DYNC1H1: variants seen among roughly 807,000 people sequenced by gnomAD.
DYNC1H1 encodes dynein cytoplasmic 1 heavy chain 1, also known as cytoplasmic dynein 1 heavy chain 1.
In DYNC1H1, 51 loss-of-function variants were observed where a neutral mutation model predicts 527.1. The ratio of observed to expected loss-of-function variants is 0.10; its 90% confidence interval spans 0.08 to 0.12. DYNC1H1 has a LOEUF of 0.12. DYNC1H1 is among the 10% of genes least tolerant of loss of function. The pLI is 1.00. For missense variants in DYNC1H1, 2,771 were observed against 5,971.8 expected, an observed-to-expected ratio of 0.46 and a Z score of 17.66; for synonymous variants, 2,189 against 2,278.8, an observed-to-expected ratio of 0.96 and a Z score of 1.12.
chr14:102,011,023 C>G lies in DYNC1H1; in HGVS notation c.6618+71C>G. 1 of 1,526,778 alleles carries G rather than the reference C, an allele frequency of 6.5e-7. No homozygotes were observed. Among genetic ancestry groups the G allele is most frequent in the Non-Finnish European group, 9.1e-7 (1 of 1,101,716 alleles). The allele number at this position is 1,526,778 out of a possible 1,614,324, so 94.6% of individuals were successfully genotyped here. A position where few individuals can be genotyped will look rare whatever the true frequency, so the allele number is the denominator to read the frequency against. ...GGCTTTAGTGTCTGGTAATGACAAC[C>G]GTGGGCCCTTCGATGAAACTGTCCA... On this transcript the variant is annotated intron_variant, in intron 32 of 77. Transcript: ENST00000360184. The surrounding 1 kb of genome is among the most constrained non-coding windows in gnomAD (Gnocchi z 5.3).
Position 101,979,411 on chromosome 14 carries a change from A to G in DYNC1H1, c.437A>G (p.Tyr146Cys), listed in dbSNP as rs1366267511. ...CTTACACTCAGTGAAGACTCGCCCT[A>G]CGAAACTTTGCATTCTTTCATTAGC... Reference protein sequence around the residue: ...RVLTLSEDSPYETLHSFISNA... With the variant: ...RVLTLSEDSPCETLHSFISNA... The change falls in exon 3 of 78, where the codon TAC becomes TGC. Residue 146 changes from tyrosine to cysteine, a missense_variant. Coordinates refer to ENST00000360184, the MANE Select transcript of DYNC1H1 (RefSeq NM_001376.5). The surrounding 1 kb of genome is among the most constrained non-coding windows in gnomAD (Gnocchi z 4.6). The G allele has an allele frequency of 6.2e-7, 1 of 1,614,162 alleles. No individual in the cohort carries two copies.
At chr14:102,047,641 G>GTGTGTATATATATATA in intron 72 of DYNC1H1, 176 bp from the exon 73 acceptor site, 142 of 316,658 alleles carry the variant, frequency 4.5e-4, no homozygotes, top group African/African-American at 2.5e-3. Context: ...GTGTGTGTGT[G>GTGTGTATATATATATA]TATATATATA....
rs368026551 is a variant in DYNC1H1, at chr14:101,987,526, A to G, written c.2612A>G (p.His871Arg). 5.6e-6 allele frequency: 9 copies of G among 1,614,098 alleles called. No homozygotes were observed. In the African/African-American group the frequency reaches 8.0e-5, roughly 14 times the overall value. ...TCCTTGGAAACTTGTATGTATGACC[A>G]TAAGACATTCTCGGAAATCTTGAAC... is the stretch of plus-strand genomic sequence containing the variant. ...VRSLETCMYDHKTFSEILNRV... is the reference protein window; with the variant it reads ...VRSLETCMYDRKTFSEILNRV... The change falls in exon 9 of 78, where the codon CAT becomes CGT. Residue 871 changes from histidine to arginine, a missense_variant. Coordinates refer to ENST00000360184, the MANE Select transcript of DYNC1H1 (RefSeq NM_001376.5).
chr14:101,994,641 A>G (rs561916642), intron 12 of DYNC1H1, 32 bp from the exon 13 acceptor site: 1 of 1,613,142 alleles, frequency 6.2e-7, no homozygotes. Flanking sequence ...TGAAAACTCA[A>G]ACTATTATTT....
In DYNC1H1 at chr14:102,029,771, A is replaced by G; in HGVS notation, c.9643-48A>G. 3.1e-6 allele frequency: 5 copies of G among 1,614,162 alleles called. No individual in the cohort carries two copies. Among genetic ancestry groups the G allele is most frequent in the Non-Finnish European group, 4.2e-6 (5 of 1,180,032 alleles). On this transcript the variant is annotated intron_variant, in intron 49 of 77. Transcript: ENST00000360184. The surrounding 1 kb of genome is among the most constrained non-coding windows in gnomAD (Gnocchi z 5.3). ...AGCTGCAGTGAGGACCCCTTTCCAT[A>G]TAATTTCTGCATGTTTCTCGTCTCT...
Position 101,986,897 on chromosome 14 carries a change from G to C in DYNC1H1, c.2538+134G>C, listed in dbSNP as rs1169005447. ...GCATACGGCCATGTGAGCTGCAAGGGAGGAGGACCCTTTGTACTCACCGGG... is the reference window on the plus strand; with the variant it reads ...GCATACGGCCATGTGAGCTGCAAGGCAGGAGGACCCTTTGTACTCACCGGG... On this transcript the variant is annotated intron_variant, in intron 8 of 77. Transcript: ENST00000360184. This position sits in a 1 kb window ranked among gnomAD's most constrained non-coding sequence, Gnocchi z 8.7. 9.0e-7 allele frequency: 1 copy of C among 1,113,990 alleles called. No individual in the cohort carries two copies. 69.0% of individuals were successfully genotyped at this position (1,113,990 alleles called of 1,614,324 possible). A position where few individuals can be genotyped will look rare whatever the true frequency, so the allele number is the denominator to read the frequency against.
chr14:101,975,252 G>T (rs1372911417), intron 1 of DYNC1H1, among the ~76,000 whole-genome samples: 1 of 152,240 alleles, frequency 6.6e-6, no homozygotes, highest in Non-Finnish European at 1.5e-5. Flanking sequence ...TATGATAGCT[G>T]TAAAGTGCTT....
At chr14:101,993,962 G>C (rs2048027297) in intron 11 of DYNC1H1, among the ~76,000 whole-genome samples, 1 of 152,138 alleles carries the variant, frequency 6.6e-6, no homozygotes. Context: ...TTTTTGCATT[G>C]CCAAATTTCT....
At position 102,001,768 on chromosome 14, in the gene DYNC1H1, C is replaced by A; in HGVS notation, c.4542+87C>A. The stretch of plus-strand genomic sequence containing the variant: ...CCTTTTCACTGACAGTTACTAGGTA[C>A]CTGTTTTTTATTGTATTTTTTGAGA... On this transcript the variant is annotated intron_variant, in intron 21 of 77. Coordinates refer to ENST00000360184, the MANE Select transcript of DYNC1H1 (RefSeq NM_001376.5). The surrounding 1 kb of genome is among the most constrained non-coding windows in gnomAD (Gnocchi z 5.0). 6.4e-7 allele frequency: 1 copy of A among 1,568,094 alleles called. No individual in the cohort carries two copies. The highest frequency in any genetic ancestry group is 8.7e-7 in the Non-Finnish European group (1 of 1,143,672).
rs1335833785 is a variant in DYNC1H1 at position 102,040,734 on chromosome 14, A to C, written c.11941+61A>C. The C allele has an allele frequency of 3.2e-6, 5 of 1,586,134 alleles. No individual in the cohort carries two copies. The East Asian group carries it at 1.1e-4, about 35-fold the overall frequency. On this transcript the variant is annotated intron_variant, in intron 64 of 77. Coordinates refer to ENST00000360184, the MANE Select transcript of DYNC1H1 (RefSeq NM_001376.5). ...TGTAAAGTTGGGTTTTGCTGCTTAA[A>C]GGGATGCTTTCAAAAAACACAAAGT...
rs541840933 is a variant in DYNC1H1, at chr14:101,965,050, C to T, written c.256+103C>T. 54 of 1,296,072 alleles carry T rather than the reference C, an allele frequency of 4.2e-5. No individual in the cohort carries two copies. The African/African-American group carries it at 7.2e-4, about 17-fold the overall frequency. 80.3% of individuals were successfully genotyped at this position (1,296,072 alleles called of 1,614,324 possible). A position where few individuals can be genotyped will look rare whatever the true frequency, so the allele number is the denominator to read the frequency against. ...AGATGTCCCCGGGATGGGAGGAGCC[C>T]GGCAGCTGCAGATGACCCCTGGATG... On this transcript the variant is annotated intron_variant, in intron 1 of 77. Transcript: ENST00000360184. The surrounding 1 kb of genome is among the most constrained non-coding windows in gnomAD (Gnocchi z 4.1).
Position 102,044,524 on chromosome 14 carries a change from GT to G in DYNC1H1, c.12902+34del, listed in dbSNP as rs767098620. The G allele has an allele frequency of 6.2e-6, 10 of 1,614,034 alleles. No individual in the cohort carries two copies. In the Admixed American group the frequency reaches 1.7e-4, roughly 27 times the overall value. Reference sequence around the variant, plus strand: ...GCTGCCTGCTGGAATGGAGACAGTTGTGATGTCAGGGCGTCTGGTGTCACTC... The same window carrying G: ...GCTGCCTGCTGGAATGGAGACAGTTGGATGTCAGGGCGTCTGGTGTCACTC... On this transcript the variant is annotated intron_variant, in intron 71 of 77. Transcript: ENST00000360184. This position sits in a 1 kb window ranked among gnomAD's most constrained non-coding sequence, Gnocchi z 7.1.
rs1046784611 is a variant in DYNC1H1 at position 102,011,992 on chromosome 14, G to A, written c.6736G>A (p.Gly2246Ser). ...GCTGAAGGCATTGGAGAGACTCGAGGGTGTGGAAGGTGTGGCCCATATCAT... is the reference window on the plus strand; with the variant it reads ...GCTGAAGGCATTGGAGAGACTCGAGAGTGTGGAAGGTGTGGCCCATATCAT... ...VLLKALERLE[G>S]VEGVAHIIDP... The change falls in exon 33 of 78, where the codon GGT (glycine) becomes AGT (serine). Residue 2246 changes from glycine (G) to serine (S), a missense_variant. By Grantham distance (56) the Gly-to-Ser change is moderately conservative. Transcript: ENST00000360184. This position sits in a 1 kb window ranked among gnomAD's most constrained non-coding sequence, Gnocchi z 5.3. The A allele has an allele frequency of 6.8e-6, 11 of 1,614,088 alleles. No homozygotes were observed. The highest frequency in any genetic ancestry group is 9.3e-6 in the Non-Finnish European group (11 of 1,180,022).
intron 16 of DYNC1H1, among the ~76,000 whole-genome samples, chr14:101,999,262 C>T (rs1166744938): frequency 6.6e-6 from 1 of 151,980 alleles, no homozygotes; most frequent in East Asian, 1.9e-4. Flanking sequence ...CTGAAGCCTC[C>T]GTTTCCTGGG....
rs372377150 is a variant in DYNC1H1, at chr14:102,018,518, G to A, written c.8245G>A (p.Gly2749Ser). 3 of 1,614,056 alleles carry A rather than the reference G, an allele frequency of 1.9e-6. No individual in the cohort carries two copies. The highest frequency in any genetic ancestry group is 1.7e-5 in the Admixed American group (1 of 60,026). ...CCCCGCCTCCCTCACACAGATCTACGGCACCTTCAACCGCGCCATGCTGAG... is the reference window on the plus strand; with the variant it reads ...CCCCGCCTCCCTCACACAGATCTACAGCACCTTCAACCGCGCCATGCTGAG... The part of the protein sequence containing the change: ...PGPASLTQIY[G>S]TFNRAMLRLI... Residue 2749 changes from glycine (G) to serine (S), a missense_variant, in exon 41 of 78, where the codon GGC becomes AGC. Gly to Ser is a moderately conservative substitution (Grantham distance 56). This residue lies in a region of DYNC1H1 where 163 missense variants were observed against 346.9 expected (regional missense o/e 0.47). Coordinates refer to ENST00000360184, the MANE Select transcript of DYNC1H1 (RefSeq NM_001376.5). This position sits in a 1 kb window ranked among gnomAD's most constrained non-coding sequence, Gnocchi z 5.2.
At chr14:102,019,709 C>G (rs1267952348) in intron 41 of DYNC1H1, among the ~76,000 whole-genome samples, 184 bp from the exon 42 acceptor site, 1 of 152,208 alleles carries the variant, frequency 6.6e-6, no homozygotes, top group Non-Finnish European at 1.5e-5. Flanking sequence ...TCAAGCGATT[C>G]TTCTGCCTCA....
intron 48 of DYNC1H1, chr14:102,028,374 G>T: frequency 2.2e-6 from 1 of 454,006 alleles, no homozygotes. Context: ...AATTAGCCGG[G>T]CATGGTGGTG....
At chr14:101,992,247 G>A (rs1240394777) in intron 11 of DYNC1H1, among the ~76,000 whole-genome samples, 1 of 152,188 alleles carries the variant, frequency 6.6e-6, no homozygotes, top group Non-Finnish European at 1.5e-5. Context: ...CCAGAATTTA[G>A]TGATAAGACA....
rs2048486156 is a variant in DYNC1H1 at position 102,029,470 on chromosome 14, A to G, written c.9469-69A>G. ...CATGTCACACCCATCTGCCAAGGCC[A>G]AAATTGTTTTCTGAGGTTAAGTCAC... On this transcript the variant is annotated intron_variant, in intron 48 of 77. Coordinates refer to ENST00000360184, the MANE Select transcript of DYNC1H1 (RefSeq NM_001376.5). This position sits in a 1 kb window ranked among gnomAD's most constrained non-coding sequence, Gnocchi z 5.3. 6.2e-7 allele frequency: 1 copy of G among 1,608,798 alleles called. No individual in the cohort carries two copies. Among genetic ancestry groups the G allele is most frequent in the South Asian group, 1.1e-5 (1 of 90,392 alleles).
Sources: gnomAD v4.1 joint callset for allele counts (sites outside exome capture counted in the v4.1 genomes callset) on GRCh38, gnomAD v4.1.1 for gene constraint, gnomAD v4.1.1 regional missense constraint, Gnocchi (gnomAD v3.1) non-coding constraint, MANE v1.5 for transcripts, NCBI Gene and HGNC (gene_info 2026-07-23, HGNC 2026-07-21) for gene names.